PCBD2: variants seen among roughly 807,000 people sequenced by gnomAD.
The protein encoded by PCBD2 is pterin-4-alpha-carbinolamine dehydratase 2.
Under a neutral mutation model 16.4 loss-of-function variants are expected in PCBD2, and 12 were observed. That is an observed-to-expected ratio of 0.73 (90% confidence interval 0.47 to 1.19). The LOEUF (loss-of-function observed/expected upper bound fraction) is 1.19. PCBD2 is among the 50% of genes most tolerant of loss of function. PCBD2 has a pLI of 0.00. For missense variants in PCBD2, 138 were observed against 156.8 expected, an observed-to-expected ratio of 0.88 and a Z score of 0.64; for synonymous variants, 58 against 61.8, an observed-to-expected ratio of 0.94 and a Z score of 0.29.
At chr5:134,951,091 C>T (rs1157685161) in intron 2 of PCBD2, among the ~76,000 whole-genome samples, 2 of 152,118 alleles carry the variant, frequency 1.3e-5, no homozygotes, top group Non-Finnish European at 2.9e-5. Flanking sequence ...ACACATGGTA[C>T]GAATTCAAAA....
At chr5:134,923,892 A>G in intron 2 of PCBD2, 1 of 394,522 alleles carries the variant, frequency 2.5e-6, no homozygotes, top group Non-Finnish European at 4.5e-6. Context: ...TGAGTAGTGT[A>G]TGGCTAGGAA....
chr5:134,920,322 AC>A (rs1301125187), intron 2 of PCBD2, among the ~76,000 whole-genome samples: 1 of 152,228 alleles, frequency 6.6e-6, no homozygotes, highest in Non-Finnish European at 1.5e-5. Flanking sequence ...TGCAAGACTC[AC>A]ATCCCTGGTT....
At chr5:134,945,767 A>C (rs1751288714) in intron 2 of PCBD2, among the ~76,000 whole-genome samples, 1 of 152,160 alleles carries the variant, frequency 6.6e-6, no homozygotes, top group Admixed American at 6.5e-5. Flanking sequence ...CAGTGTCCCA[A>C]AGAAGCACAT....
At chr5:134,917,676 G>T (rs1326505976) in intron 2 of PCBD2, among the ~76,000 whole-genome samples, 1 of 152,186 alleles carries the variant, frequency 6.6e-6, no homozygotes, top group South Asian at 2.1e-4. Flanking sequence ...CTCACCTTTT[G>T]GTTGCTGTGC....
intron 2 of PCBD2, among the ~76,000 whole-genome samples, chr5:134,946,278 A>G (rs966001135): frequency 6.6e-6 from 1 of 152,128 alleles, no homozygotes; most frequent in East Asian, 1.9e-4. Flanking sequence ...TCACAGGTTC[A>G]GGGACTATTC....
chr5:134,910,653 G>T (rs1375607946), intron 2 of PCBD2, among the ~76,000 whole-genome samples, 187 bp downstream of exon 2: 1 of 152,208 alleles, frequency 6.6e-6, no homozygotes, highest in East Asian at 1.9e-4. Flanking sequence ...GTGGTGTTTA[G>T]CTCTGGGGGA....
Position 134,910,322 on chromosome 5 carries a change from GT to G in PCBD2, c.85-11del. 6.2e-7 allele frequency: 1 copy of G among 1,610,712 alleles called. No homozygotes were observed. On this transcript the variant is annotated splice_polypyrimidine_tract_variant and intron_variant, in intron 1 of 3. Transcript: ENST00000254908. ...TTGTACATTTTCAGATATGAAATGT[GT>G]TCTCTTCATAGTCATCAGGTACTCA...
intron 1 of PCBD2, 198 bp downstream of exon 1, chr5:134,905,421 T>C (rs973268527): frequency 7.5e-6 from 3 of 397,614 alleles, no homozygotes; most frequent in Non-Finnish European, 1.3e-5. Flanking sequence ...GGCCGCAGCC[T>C]CCGCCACTTG....
intron 2 of PCBD2, chr5:134,923,546 G>A (rs1415604489): frequency 9.6e-6 from 3 of 314,030 alleles, no homozygotes; most frequent in Non-Finnish European, 1.7e-5. Flanking sequence ...TATCTACTGA[G>A]TAGCCTCCTC....
intron 2 of PCBD2, chr5:134,926,388 A>G: frequency 2.6e-6 from 1 of 384,404 alleles, no homozygotes; most frequent in Non-Finnish European, 4.6e-6. Flanking sequence ...TATTAGGGTT[A>G]ATGAGGGTGG....
In PCBD2 at chr5:134,924,807, G is replaced by A. The variant is rs1750964136; in HGVS notation, c.216+14341G>A. 1.5e-5 allele frequency: 6 copies of A among 393,188 alleles called. No individual in the cohort carries two copies. In the East Asian group the frequency reaches 2.2e-4, roughly 14 times the overall value. The allele number at this position is 393,188 out of a possible 1,614,324, so 24.4% of individuals were successfully genotyped here. A position where few individuals can be genotyped will look rare whatever the true frequency, so the allele number is the denominator to read the frequency against. On this transcript the variant is annotated intron_variant, in intron 2 of 3. Transcript: ENST00000254908. ...TTTCTAGTCAGGCCAGGTCTAGGAG[G>A]AGTAGGGGTAGGTTTTGGCTTGTAA... is the stretch of plus-strand genomic sequence containing the variant.
At position 134,961,928 on chromosome 5, in the gene PCBD2, AT is replaced by A. The variant is rs1751482694; in HGVS notation, c.*1252del. On this transcript the variant is annotated 3_prime_UTR_variant, in exon 4 of 4. Coordinates refer to ENST00000254908, the MANE Select transcript of PCBD2 (RefSeq NM_032151.5). The stretch of plus-strand genomic sequence containing the variant: ...AGGCAAGTGCCACCACGCCTGACTA[AT>A]TTTTAAATTTTTTGTAGAGATGGGG... Among the ~76,000 whole-genome samples the A allele has an allele frequency of 6.6e-6, 1 of 151,792 alleles. No homozygotes were observed. The highest frequency in any genetic ancestry group is 1.9e-4 in the East Asian group (1 of 5,172).
At chr5:134,923,839 G>A (rs1049135113) in intron 2 of PCBD2, 9 of 393,916 alleles carry the variant, frequency 2.3e-5, no homozygotes, top group African/African-American at 4.1e-5. Flanking sequence ...TTTACGTCTC[G>A]GGTGATATGG....
At chr5:134,959,616 A>G (rs760651048) in intron 3 of PCBD2, among the ~76,000 whole-genome samples, 10 of 152,216 alleles carry the variant, frequency 6.6e-5, no homozygotes, top group Non-Finnish European at 1.2e-4. Flanking sequence ...TGTTCCTCCC[A>G]AAGTGTCCTT....
chr5:134,919,523 T>G (rs1314426149), intron 2 of PCBD2, among the ~76,000 whole-genome samples: 1 of 152,212 alleles, frequency 6.6e-6, no homozygotes, highest in Non-Finnish European at 1.5e-5. Flanking sequence ...TATAAAACCT[T>G]AGTGTAGCTG....
intron 2 of PCBD2, among the ~76,000 whole-genome samples, chr5:134,940,451 C>T (rs567041240): frequency 6.6e-6 from 1 of 151,788 alleles, no homozygotes; most frequent in African/African-American, 2.4e-5. Context: ...TTTTAATAAC[C>T]CTGGATGTGC....
chr5:134,953,518 G>A (rs1206000200), intron 2 of PCBD2, among the ~76,000 whole-genome samples: 1 of 151,840 alleles, frequency 6.6e-6, no homozygotes, highest in African/African-American at 2.4e-5. Flanking sequence ...TTTCTGGCTG[G>A]GCATTGTGGC....
intron 2 of PCBD2, among the ~76,000 whole-genome samples, chr5:134,931,559 G>A (rs1356848099): frequency 1.3e-5 from 2 of 152,182 alleles, no homozygotes; most frequent in Non-Finnish European, 2.9e-5. Flanking sequence ...TTTGCTAATG[G>A]TGGAAAAGTC....
intron 2 of PCBD2, among the ~76,000 whole-genome samples, chr5:134,950,963 T>C (rs531949748): frequency 6.6e-6 from 1 of 152,330 alleles, no homozygotes; most frequent in East Asian, 1.9e-4. Flanking sequence ...AGCCAAAATA[T>C]TTTAATGTGA....
Sources: allele counts gnomAD v4.1 joint callset (sites outside exome capture counted in the v4.1 genomes callset), GRCh38; gene constraint gnomAD v4.1.1; transcripts MANE v1.5; gene names NCBI Gene and HGNC (gene_info 2026-07-23, HGNC 2026-07-21).